ARB2A: variants seen among roughly 807,000 people sequenced by gnomAD.
The protein encoded by ARB2A is ARB2 cotranscriptional regulator A, also known as cotranscriptional regulator ARB2A.
At chr5:94,048,933 G>T in the ARB2A span, among the ~76,000 whole-genome samples, 4 of 152,084 alleles carry the variant, frequency 2.6e-5, no homozygotes, top group South Asian at 8.3e-4. Flanking sequence ...GGAGATCAAA[G>T]AATTGTCTCC....
At chr5:93,830,311 GTATATATA>G in the ARB2A span, among the ~76,000 whole-genome samples, 50 of 82,264 alleles carry the variant, frequency 6.1e-4, 2 homozygotes, top group Admixed American at 2.3e-3. Context: ...GTGTGTGTGT[GTATATATA>G]TATATATATA....
the ARB2A span, among the ~76,000 whole-genome samples, chr5:93,852,955 A>G: frequency 6.6e-6 from 1 of 152,108 alleles, no homozygotes; most frequent in African/African-American, 2.4e-5. Context: ...TTTTGGTTCC[A>G]TATGAACTTT....
chr5:93,653,544 A>AAAAAAAAAAAAAAAAAAAAAAAAAAC, the ARB2A span, among the ~76,000 whole-genome samples: 1 of 133,146 alleles, frequency 7.5e-6, no homozygotes, highest in Non-Finnish European at 1.6e-5. Context: ...AAAAAAAAAA[A>AAAAAAAAAAAAAAAAAAAAAAAAAAC]AAAAAAAAAA....
chr5:94,091,574 A>T, the ARB2A span, among the ~76,000 whole-genome samples: 2 of 152,210 alleles, frequency 1.3e-5, no homozygotes, highest in Non-Finnish European at 2.9e-5. Flanking sequence ...CTGAATGAAG[A>T]GTGGAAACTG....
At chr5:94,060,645 T>A in the ARB2A span, among the ~76,000 whole-genome samples, 25 of 152,222 alleles carry the variant, frequency 1.6e-4, no homozygotes, top group Non-Finnish European at 3.1e-4. Context: ...AGGTAAATAT[T>A]TCCTAAATCA....
At chr5:93,974,424 C>T in the ARB2A span, among the ~76,000 whole-genome samples, 13,879 of 152,154 alleles carry the variant, frequency 0.091, 796 homozygotes, top group Middle Eastern at 0.16. Flanking sequence ...AGGCACCCAA[C>T]ATTGGAGCAC....
At chr5:94,096,426 A>C in the ARB2A span, among the ~76,000 whole-genome samples, 1 of 152,092 alleles carries the variant, frequency 6.6e-6, no homozygotes, top group Non-Finnish European at 1.5e-5. Flanking sequence ...TATCTTTTCT[A>C]CTGTTTTCTT....
chr5:93,653,381 G>A, the ARB2A span, among the ~76,000 whole-genome samples: 2 of 150,708 alleles, frequency 1.3e-5, no homozygotes, highest in African/African-American at 4.9e-5. Flanking sequence ...GCGTGGTAGC[G>A]GGCGCCTGTA....
the ARB2A span, among the ~76,000 whole-genome samples, chr5:93,981,329 A>G: frequency 6.6e-6 from 1 of 152,046 alleles, no homozygotes; most frequent in Non-Finnish European, 1.5e-5. Context: ...TTAGCCTCCC[A>G]AAGTGCTAGG....
chr5:93,763,751 T>A, the ARB2A span, among the ~76,000 whole-genome samples: 2 of 152,186 alleles, frequency 1.3e-5, no homozygotes, highest in Non-Finnish European at 2.9e-5. Context: ...TACATTTTTT[T>A]TCAGCACCGC....
the ARB2A span, among the ~76,000 whole-genome samples, chr5:93,708,094 T>C: frequency 2.6e-5 from 4 of 152,192 alleles, no homozygotes; most frequent in African/African-American, 7.2e-5. Context: ...TCCCTGTACA[T>C]GTATTTTTTT....
the ARB2A span, among the ~76,000 whole-genome samples, chr5:93,872,447 T>C: frequency 1.3e-5 from 2 of 152,198 alleles, no homozygotes; most frequent in Admixed American, 6.5e-5. Flanking sequence ...ATCATATTTA[T>C]GACAGACCCC....
the ARB2A span, among the ~76,000 whole-genome samples, chr5:94,061,696 T>C: frequency 6.6e-6 from 1 of 152,182 alleles, no homozygotes; most frequent in Non-Finnish European, 1.5e-5. Context: ...ACACCATTTA[T>C]AATCACTCCA....
At chr5:93,878,129 TGTA>T in the ARB2A span, among the ~76,000 whole-genome samples, 3 of 152,140 alleles carry the variant, frequency 2.0e-5, no homozygotes, top group Non-Finnish European at 4.4e-5. Context: ...AGTCAACAAT[TGTA>T]GTGCTGTTTG....
At chr5:94,039,959 G>A in the ARB2A span, among the ~76,000 whole-genome samples, 1 of 152,136 alleles carries the variant, frequency 6.6e-6, no homozygotes, top group African/African-American at 2.4e-5. Flanking sequence ...CCCGAGTAAA[G>A]GATGGGATTG....
the ARB2A span, among the ~76,000 whole-genome samples, chr5:93,718,958 T>C: frequency 6.6e-6 from 1 of 152,244 alleles, no homozygotes; most frequent in Non-Finnish European, 1.5e-5. Context: ...TCACTCCTGA[T>C]GCAGATGCCT....
chr5:93,875,554 T>C, the ARB2A span, among the ~76,000 whole-genome samples: 1 of 152,042 alleles, frequency 6.6e-6, no homozygotes, highest in African/African-American at 2.4e-5. Flanking sequence ...TTTAACCTCA[T>C]CTCCATACTA....
the ARB2A span, among the ~76,000 whole-genome samples, chr5:93,674,200 G>A: frequency 2.0e-5 from 3 of 152,256 alleles, no homozygotes; most frequent in East Asian, 3.9e-4. Flanking sequence ...TCACCTGATC[G>A]TAGCCCCATA....
At chr5:93,764,560 A>G in the ARB2A span, among the ~76,000 whole-genome samples, 6 of 152,096 alleles carry the variant, frequency 3.9e-5, no homozygotes, top group Non-Finnish European at 8.8e-5. Context: ...GTAATAGCCT[A>G]CCAACCAAAA....
Sources: gnomAD v4.1 joint callset for allele counts (sites outside exome capture counted in the v4.1 genomes callset) on GRCh38, gnomAD v4.1.1 for gene constraint, MANE v1.5 for transcripts, NCBI Gene and HGNC (gene_info 2026-07-23, HGNC 2026-07-21) for gene names.